PRKAR2B: variants seen among roughly 807,000 people sequenced by gnomAD.
PRKAR2B encodes cAMP-dependent protein kinase type II-beta regulatory subunit.
In PRKAR2B, 14 loss-of-function variants were observed where a neutral mutation model predicts 49.9. That is an observed-to-expected ratio of 0.28 (90% CI 0.19 to 0.44). The LOEUF (loss-of-function observed/expected upper bound fraction) is 0.44, where lower values mean the gene tolerates loss of function less well. Among genes scored for constraint, PRKAR2B ranks in the 20% least tolerant of loss-of-function variants. The probability of loss-of-function intolerance (pLI) is 1.00; values close to 1 mark genes in which losing one functional copy is unlikely to be tolerated. For synonymous variants in PRKAR2B, 196 were observed against 197.7 expected (o/e 0.99, Z 0.07); for missense variants, 393 against 537.9 (o/e 0.73, Z 2.67).
At chr7:107,108,142 A>G (rs1795111819) in intron 2 of PRKAR2B, among the ~76,000 whole-genome samples, 1 of 152,194 alleles carries the variant, frequency 6.6e-6, no homozygotes, top group South Asian at 2.1e-4. Context: ...AAAAACCCAG[A>G]GCATCCAGGA....
chr7:107,126,251 C>CA (rs528961832), intron 3 of PRKAR2B, among the ~76,000 whole-genome samples: 2,148 of 85,448 alleles, frequency 0.025, 47 homozygotes, highest in African/African-American at 0.059. Flanking sequence ...ATACAAAATA[C>CA]AAAAAAAAAA....
chr7:107,058,419 A>C (rs1234945474), intron 1 of PRKAR2B, among the ~76,000 whole-genome samples: 1 of 152,234 alleles, frequency 6.6e-6, no homozygotes, highest in African/African-American at 2.4e-5. Context: ...ACAAATTAAT[A>C]CATCTCCAAG....
At position 107,159,606 on chromosome 7, in the gene PRKAR2B, G is replaced by A; in HGVS notation, c.*24G>A. The A allele has an allele frequency of 6.2e-7, 1 of 1,612,298 alleles. No individual in the cohort carries two copies. The highest frequency in any genetic ancestry group is 1.7e-4 in the Middle Eastern group (1 of 6,054). On this transcript the variant is annotated 3_prime_UTR_variant, in exon 11 of 11. Transcript: ENST00000265717. ...GAAGCAAAAGTATGGAGCAAGACCT[G>A]TAGTGACAAAATTACACAGTAGTGG...
chr7:107,120,622 A>G (rs187702632), intron 2 of PRKAR2B, among the ~76,000 whole-genome samples: 97 of 152,288 alleles, frequency 6.4e-4, no homozygotes, highest in Non-Finnish European at 1.1e-3. Flanking sequence ...TAAACAACTG[A>G]ATGAAAAAGA....
chr7:107,122,984 G>A (rs1435390531), intron 3 of PRKAR2B, among the ~76,000 whole-genome samples: 1 of 152,094 alleles, frequency 6.6e-6, no homozygotes, highest in African/African-American at 2.4e-5. Flanking sequence ...TTAGGATTAA[G>A]GTATTTTTAC....
chr7:107,061,920 T>A (rs1794035040), intron 1 of PRKAR2B, among the ~76,000 whole-genome samples: 1 of 151,984 alleles, frequency 6.6e-6, no homozygotes, highest in East Asian at 1.9e-4. Flanking sequence ...GACATAAGAA[T>A]GGCCAATAAG....
At chr7:107,116,945 G>A (rs1012353421) in intron 2 of PRKAR2B, among the ~76,000 whole-genome samples, 1 of 146,392 alleles carries the variant, frequency 6.8e-6, no homozygotes, top group East Asian at 2.0e-4. Context: ...ATATATATGT[G>A]TGTGTGTGTG....
At chr7:107,066,186 T>C (rs1051818051) in intron 1 of PRKAR2B, among the ~76,000 whole-genome samples, 7 of 152,300 alleles carry the variant, frequency 4.6e-5, no homozygotes, top group Middle Eastern at 3.4e-3. Flanking sequence ...TTATATTCTC[T>C]TAAAAATGCT....
At chr7:107,144,841 G>A (rs1293189444) in intron 5 of PRKAR2B, among the ~76,000 whole-genome samples, 1 of 115,944 alleles carries the variant, frequency 8.6e-6, no homozygotes, top group Non-Finnish European at 1.7e-5. Context: ...CTTTGTCTGT[G>A]TTAGGGTTTA....
Position 107,159,684 on chromosome 7 carries a change from A to G in PRKAR2B, c.*102A>G. On this transcript the variant is annotated 3_prime_UTR_variant, in exon 11 of 11. Transcript: ENST00000265717. The stretch of plus-strand genomic sequence containing the variant: ...GATGCCAAGCATTTTCTGTGATTTC[A>G]GGTTTTTTCCTTTTTTTACATTTAC... 2 of 1,341,178 alleles carry G rather than the reference A, an allele frequency of 1.5e-6. No individual in the cohort carries two copies. Among genetic ancestry groups the G allele is most frequent in the Non-Finnish European group, 2.0e-6 (2 of 977,298 alleles). 83.1% of individuals were successfully genotyped at this position (1,341,178 alleles called of 1,614,324 possible).
chr7:107,073,428 A>C (rs1476579677), intron 2 of PRKAR2B, among the ~76,000 whole-genome samples: 1 of 152,198 alleles, frequency 6.6e-6, no homozygotes, highest in East Asian at 1.9e-4. Context: ...TTAAGAGTTT[A>C]TAGAGGCTTC....
intron 1 of PRKAR2B, among the ~76,000 whole-genome samples, chr7:107,054,785 ACTT>A (rs923482156): frequency 6.6e-6 from 1 of 151,762 alleles, no homozygotes; most frequent in Non-Finnish European, 1.5e-5. Context: ...ATGATTGAAA[ACTT>A]CTTAGGCATG....
intron 4 of PRKAR2B, among the ~76,000 whole-genome samples, chr7:107,131,654 A>G (rs1795605742): frequency 6.6e-6 from 1 of 152,168 alleles, no homozygotes; most frequent in Admixed American, 6.5e-5. Flanking sequence ...ACCACCTTGA[A>G]TGACTCCCTT....
chr7:107,128,890 T>G (rs1287274560), intron 4 of PRKAR2B: 1 of 151,962 alleles, frequency 6.6e-6, no homozygotes, highest in Non-Finnish European at 1.5e-5. Context: ...GCACGTGCTG[T>G]TCAGACTTTG....
In PRKAR2B at chr7:107,161,007, T is replaced by C. The variant is rs1307902341; in HGVS notation, c.*1425T>C. ...TTGGGAAACAGGTTTCAAATGAATA[T>C]ATATACATGGGTAAAATTACTCTGT... On this transcript the variant is annotated 3_prime_UTR_variant, in exon 11 of 11. Transcript: ENST00000265717. 6.6e-6 allele frequency: 1 copy of C among 152,236 alleles called. No homozygotes were observed. Among genetic ancestry groups the C allele is most frequent in the Non-Finnish European group, 1.5e-5 (1 of 68,026 alleles). The allele number at this position is 152,236 out of a possible 1,614,324, so 9.4% of individuals were successfully genotyped here. A position where few individuals can be genotyped will look rare whatever the true frequency, so the allele number is the denominator to read the frequency against.
At chr7:107,150,838 C>T in intron 6 of PRKAR2B, 84 bp from the exon 7 acceptor site, 1 of 646,266 alleles carries the variant, frequency 1.5e-6, no homozygotes. Flanking sequence ...AATCTTCAAT[C>T]ATTGTTTCTT....
chr7:107,096,796 C>G (rs1293645844), intron 2 of PRKAR2B, among the ~76,000 whole-genome samples: 1 of 152,134 alleles, frequency 6.6e-6, no homozygotes, highest in Non-Finnish European at 1.5e-5. Flanking sequence ...GCAGGTTGTT[C>G]GGTTTCCATG....
intron 2 of PRKAR2B, among the ~76,000 whole-genome samples, chr7:107,089,507 T>C (rs1324438210): frequency 6.6e-6 from 1 of 152,218 alleles, no homozygotes; most frequent in Non-Finnish European, 1.5e-5. Context: ...TAAATAAAAG[T>C]TGTTTCCATG....
intron 8 of PRKAR2B, among the ~76,000 whole-genome samples, chr7:107,155,266 T>C (rs929454192): frequency 6.6e-6 from 1 of 152,084 alleles, no homozygotes; most frequent in Non-Finnish European, 1.5e-5. Context: ...AATATATTAT[T>C]TCAAGGCCAG....
Sources: allele counts gnomAD v4.1 joint callset (sites outside exome capture counted in the v4.1 genomes callset), GRCh38; gene constraint gnomAD v4.1.1; transcripts MANE v1.5; gene names NCBI Gene and HGNC (gene_info 2026-07-23, HGNC 2026-07-21).